THBS2: variants seen among roughly 807,000 people sequenced by gnomAD.
THBS2 encodes thrombospondin 2, also known as thrombospondin-2.
THBS2 carries 47 observed loss-of-function variants against 135.2 expected under a neutral mutation model. The observed-to-expected ratio is 0.35, with a 90% confidence interval of 0.28 to 0.44. THBS2 has a LOEUF of 0.44. Ranked by LOEUF, THBS2 falls within the 20% of genes least tolerant of loss-of-function variation. The pLI is 1.00. For missense variants in THBS2, 1,288 were observed against 1,603.1 expected, an observed-to-expected ratio of 0.80 and a Z score of 3.36; for synonymous variants, 639 against 633.8, an observed-to-expected ratio of 1.01 and a Z score of -0.12.
In THBS2 at chr6:169,252,823, A is replaced by C. The variant is rs1427923858; in HGVS notation, c.-23+901T>G. 6.6e-6 allele frequency among the ~76,000 whole-genome samples: 1 copy of C among 152,216 alleles called. No homozygotes were observed. The highest frequency in any genetic ancestry group is 2.4e-5 in the African/African-American group (1 of 41,454). On this transcript the variant is annotated intron_variant, in intron 1 of 21. Transcript: ENST00000617924. The surrounding 1 kb of genome is among the most constrained non-coding windows in gnomAD (Gnocchi z 4.3). ...AGATTTCGGTGCCTGTCTGCAGCAGAATGTAGTTTGAATTTGCAAAGGTCT... is the reference window on the plus strand; with the variant it reads ...AGATTTCGGTGCCTGTCTGCAGCAGCATGTAGTTTGAATTTGCAAAGGTCT...
At chr6:169,250,890 G>T in intron 1 of THBS2, 84 bp from the exon 2 acceptor site, 2 of 860,652 alleles carry the variant, frequency 2.3e-6, no homozygotes, top group South Asian at 1.9e-5. Flanking sequence ...TGACTCACAT[G>T]ACCATTGAAT....
At chr6:169,228,093 C>T in intron 15 of THBS2, 29 bp downstream of exon 15, 1 of 1,562,394 alleles carries the variant, frequency 6.4e-7, no homozygotes, top group Non-Finnish European at 8.6e-7. Flanking sequence ...AAAAAAAGTG[C>T]ACGCATGGGA....
At chr6:169,219,337 T>TGGGTGGGA (rs1779331454) in intron 21 of THBS2, among the ~76,000 whole-genome samples, 2 of 30,004 alleles carry the variant, frequency 6.7e-5, no homozygotes, top group African/African-American at 4.6e-4. Context: ...GGTGTGTGGG[T>TGGGTGGGA]GGGTGGATGG....
chr6:169,237,158 C>T lies in THBS2; in HGVS notation c.1477+12G>A, dbSNP rs771433343. 4 of 1,597,588 alleles carry T rather than the reference C, an allele frequency of 2.5e-6. No homozygotes were observed. The highest frequency in any genetic ancestry group is 4.5e-5 in the East Asian group (2 of 44,724). ...GCCCGCCCACCCAGGGCCCCGCCTT[C>T]ACCGTACTTACTTGGGCATGGGGCG... is the stretch of plus-strand genomic sequence containing the variant. On this transcript the variant is annotated intron_variant, in intron 9 of 21. Transcript: ENST00000617924.
intron 13 of THBS2, among the ~76,000 whole-genome samples, 162 bp from the exon 14 acceptor site, chr6:169,229,841 G>A (rs533316338): frequency 5.9e-5 from 9 of 152,300 alleles, no homozygotes; most frequent in South Asian, 2.1e-4. Flanking sequence ...GGCCAGAAGC[G>A]CATGAATTTC....
intron 7 of THBS2, chr6:169,239,323 C>T: frequency 2.0e-6 from 1 of 498,136 alleles, no homozygotes. Flanking sequence ...CTGCTCTGGG[C>T]TCACCTGCGT....
At chr6:169,219,948 G>A (rs776903113) in intron 21 of THBS2, 5 of 603,662 alleles carry the variant, frequency 8.3e-6, no homozygotes, top group Non-Finnish European at 1.2e-5. Flanking sequence ...GCACAATGAG[G>A]ATGGGTGGGA....
chr6:169,232,303 G>C, intron 12 of THBS2, 105 bp from the exon 13 acceptor site: 4 of 1,274,854 alleles, frequency 3.1e-6, no homozygotes, highest in Non-Finnish European at 4.5e-6. Flanking sequence ...CCGGTCCCAA[G>C]CGGACCCAAG....
At chr6:169,243,887 C>T (rs1780458915) in intron 4 of THBS2, among the ~76,000 whole-genome samples, 1 of 152,174 alleles carries the variant, frequency 6.6e-6, no homozygotes, top group African/African-American at 2.4e-5. Flanking sequence ...CAAGGTTACT[C>T]TCACTTTTAA....
At chr6:169,250,082 C>T (rs1269210048) in intron 2 of THBS2, among the ~76,000 whole-genome samples, 1 of 152,012 alleles carries the variant, frequency 6.6e-6, no homozygotes, top group Non-Finnish European at 1.5e-5. Flanking sequence ...CAAAGCCTTC[C>T]TTTTCATCTA....
rs576691865 is a variant in THBS2, at chr6:169,217,963, T to G, written c.3512-134A>C. 3.7e-5 allele frequency: 29 copies of G among 789,538 alleles called. 2 individuals carry two copies. In the South Asian group the frequency reaches 5.3e-4, roughly 15 times the overall value. The allele number at this position is 789,538 out of a possible 1,614,324, so 48.9% of individuals were successfully genotyped here. ...GAGATCTATCATATGGATGGATGGA[T>G]GGATGGATGAAATGGATGGGTGGAT... On this transcript the variant is annotated intron_variant, in intron 21 of 21. Coordinates refer to ENST00000617924, the MANE Select transcript of THBS2 (RefSeq NM_003247.5).
At position 169,241,559 on chromosome 6, in the gene THBS2, G is replaced by C. The variant is rs1369208507; in HGVS notation, c.891+203C>G. 1.3e-5 allele frequency among the ~76,000 whole-genome samples: 2 copies of C among 152,080 alleles called. No individual in the cohort carries two copies. The highest frequency in any genetic ancestry group is 2.4e-5 in the African/African-American group (1 of 41,388). ...TGTTTTCCTTGGGAATACTTCCCAA[G>C]ATCTACCCAACTTCCCTCTAACAAT... On this transcript the variant is annotated intron_variant, in intron 5 of 21. Coordinates refer to ENST00000617924, the MANE Select transcript of THBS2 (RefSeq NM_003247.5). This position sits in a 1 kb window ranked among gnomAD's most constrained non-coding sequence, Gnocchi z 5.5.
intron 17 of THBS2, 61 bp from the exon 18 acceptor site, chr6:169,223,536 T>C (rs1263518039): frequency 2.7e-6 from 4 of 1,470,288 alleles, no homozygotes; most frequent in South Asian, 2.4e-5. Context: ...CGGTGGTCGG[T>C]GGTTTGCCAT....
rs148981005 is a variant in THBS2, at chr6:169,246,219, C to G, written c.672G>C (p.Lys224Asn). The G allele has an allele frequency of 3.1e-5, 50 of 1,613,958 alleles. No individual in the cohort carries two copies. In the Admixed American group the frequency reaches 5.7e-4, roughly 18 times the overall value. ...ENSVEDILSK[K>N]GCQQGQGAEI... ...TACCTCCCTGGCCTTGCTGGCAACCCTTCTTGCTTAGAATATCTTCCACAG... is the reference window on the plus strand; with the variant it reads ...TACCTCCCTGGCCTTGCTGGCAACCGTTCTTGCTTAGAATATCTTCCACAG... The change falls in exon 4 of 22, where the codon AAG (lysine) becomes AAC (asparagine). Residue 224 changes from lysine (K) to asparagine (N), a missense_variant. Coordinates refer to ENST00000617924, the MANE Select transcript of THBS2 (RefSeq NM_003247.5).
At chr6:169,218,621 G>A (rs1312328098) in intron 21 of THBS2, among the ~76,000 whole-genome samples, 2 of 146,324 alleles carry the variant, frequency 1.4e-5, no homozygotes, top group East Asian at 2.0e-4. Context: ...ATGGATGAAT[G>A]GATGGATGGA....
chr6:169,232,169 G>A lies in THBS2; in HGVS notation c.1962C>T (p.Asp654=), dbSNP rs377759808. 73 of 1,613,850 alleles carry A rather than the reference G, an allele frequency of 4.5e-5. No homozygotes were observed. Among genetic ancestry groups the A allele is most frequent in the Middle Eastern group, 1.6e-4 (1 of 6,084 alleles). ...CGTGCTTGTGGCAGTTGTGTGTCTT[G>A]TCCTTGCATGGGTTTTCGGGCTCAC... is the stretch of plus-strand genomic sequence containing the variant. ...QVCEPENPCK[D]KTHNCHKHAE... The change falls in exon 13 of 22, where the codon GAC becomes GAT. Residue 654 remains aspartate (D), a synonymous_variant. Coordinates refer to ENST00000617924, the MANE Select transcript of THBS2 (RefSeq NM_003247.5).
At chr6:169,247,587 CTG>C (rs774913935) in intron 3 of THBS2, among the ~76,000 whole-genome samples, 13 of 151,966 alleles carry the variant, frequency 8.6e-5, no homozygotes, top group Non-Finnish European at 1.5e-4. Flanking sequence ...ATGTGTGTGA[CTG>C]TGTATGGTAC....
At chr6:169,237,597 A>C in intron 8 of THBS2, 28 bp downstream of exon 8, 1 of 1,610,244 alleles carries the variant, frequency 6.2e-7, no homozygotes, top group Non-Finnish European at 8.5e-7. Flanking sequence ...CCCCACAGGC[A>C]CGCGGGTGTC....
In THBS2 at chr6:169,239,191, T is replaced by C. The variant is rs1001139287; in HGVS notation, c.1129+408A>G. On this transcript the variant is annotated intron_variant, in intron 7 of 21. Transcript: ENST00000617924. ...TATTCTTCGGATAACAGTCTTTGGTTTTTGTTTGTCTGATTTTCTATTGTT... is the reference window on the plus strand; with the variant it reads ...TATTCTTCGGATAACAGTCTTTGGTCTTTGTTTGTCTGATTTTCTATTGTT... 3 of 179,216 alleles carry C rather than the reference T, an allele frequency of 1.7e-5. No homozygotes were observed. In the Admixed American group the frequency reaches 1.7e-4, roughly 10 times the overall value. 11.1% of individuals were successfully genotyped at this position (179,216 alleles called of 1,614,324 possible).
Sources: allele counts gnomAD v4.1 joint callset (sites outside exome capture counted in the v4.1 genomes callset), GRCh38; gene constraint gnomAD v4.1.1; non-coding constraint Gnocchi (gnomAD v3.1); transcripts MANE v1.5; gene names NCBI Gene and HGNC (gene_info 2026-07-23, HGNC 2026-07-21).